CTNNA3: variants seen among roughly 807,000 people sequenced by gnomAD.
CTNNA3 encodes the protein catenin alpha-3.
Under a neutral mutation model 95.7 loss-of-function variants are expected in CTNNA3, and 76 were observed. That is an observed-to-expected ratio of 0.79 (90% confidence interval 0.66 to 0.96). The LOEUF (loss-of-function observed/expected upper bound fraction) is 0.96, where lower values mean the gene tolerates loss of function less well. CTNNA3 is among the 40% of genes least tolerant of loss of function. CTNNA3 has a pLI of 0.00. For synonymous variants in CTNNA3, 431 were observed against 374.4 expected (o/e 1.15, Z -1.74); for missense variants, 1,191 against 1,089.8 (o/e 1.09, Z -1.31).
chr10:67,289,097 A>G (rs1328262561), intron 5 of CTNNA3, among the ~76,000 whole-genome samples: 1 of 152,200 alleles, frequency 6.6e-6, no homozygotes, highest in African/African-American at 2.4e-5. Context: ...ATGTTAAATA[A>G]TTACTAAACT....
At chr10:67,146,013 G>A (rs1051129412) in intron 7 of CTNNA3, among the ~76,000 whole-genome samples, 2 of 152,126 alleles carry the variant, frequency 1.3e-5, no homozygotes, top group Non-Finnish European at 2.9e-5. Flanking sequence ...GGTGTTCCAA[G>A]TGTGAATTAC....
chr10:67,207,188 G>A (rs1863941024), intron 6 of CTNNA3, among the ~76,000 whole-genome samples: 1 of 151,960 alleles, frequency 6.6e-6, no homozygotes, highest in Non-Finnish European at 1.5e-5. Context: ...AATTTTAAAT[G>A]GAAATCAATT....
chr10:66,097,522 T>G (rs1366425974), intron 14 of CTNNA3, among the ~76,000 whole-genome samples: 2 of 152,116 alleles, frequency 1.3e-5, no homozygotes, highest in African/African-American at 2.4e-5. Flanking sequence ...AAGTTAGAAA[T>G]GTAACTTTAT....
At chr10:66,140,429 G>GA (rs1447182374) in intron 13 of CTNNA3, among the ~76,000 whole-genome samples, 1 of 152,126 alleles carries the variant, frequency 6.6e-6, no homozygotes, top group Non-Finnish European at 1.5e-5. Flanking sequence ...GCAAAGTAGA[G>GA]AAAAAATTTA....
chr10:66,385,112 A>G (rs2092878507), intron 11 of CTNNA3, among the ~76,000 whole-genome samples: 2 of 152,202 alleles, frequency 1.3e-5, no homozygotes, highest in Admixed American at 6.5e-5. Flanking sequence ...TGAAAGAGAT[A>G]GAGACACAAA....
intron 17 of CTNNA3, among the ~76,000 whole-genome samples, chr10:65,962,482 T>C (rs2133244336): frequency 6.6e-6 from 1 of 152,312 alleles, no homozygotes; most frequent in South Asian, 2.1e-4. Flanking sequence ...TCAGAATTGT[T>C]CCTTGTATAG....
intron 1 of CTNNA3, among the ~76,000 whole-genome samples, chr10:67,739,726 T>C (rs1201291041): frequency 1.3e-5 from 2 of 152,116 alleles, no homozygotes; most frequent in African/African-American, 2.4e-5. Context: ...AAAATGGCCA[T>C]ACTGCCCAAG....
intron 13 of CTNNA3, among the ~76,000 whole-genome samples, chr10:66,244,204 T>G (rs932443358): frequency 2.6e-5 from 4 of 152,212 alleles, no homozygotes; most frequent in African/African-American, 9.6e-5. Flanking sequence ...GGACTTTGTC[T>G]TGTGGTTTGA....
chr10:66,303,698 G>A (rs1385633561), intron 12 of CTNNA3, among the ~76,000 whole-genome samples: 4 of 152,072 alleles, frequency 2.6e-5, no homozygotes, highest in African/African-American at 7.2e-5. Context: ...GTAGTGGCGC[G>A]ATCTCAGCTC....
intron 10 of CTNNA3, among the ~76,000 whole-genome samples, chr10:66,617,984 A>C (rs1236752265): frequency 8.6e-5 from 13 of 151,758 alleles, no homozygotes; most frequent in East Asian, 5.8e-4. Context: ...GAATAAAATA[A>C]CTAGGAATCC....
intron 9 of CTNNA3, among the ~76,000 whole-genome samples, chr10:66,708,952 C>T (rs1239322660): frequency 6.6e-6 from 1 of 152,002 alleles, no homozygotes; most frequent in African/African-American, 2.4e-5. Flanking sequence ...TTTCTCTTTT[C>T]ATCAACTCCA....
At chr10:66,925,294 C>G (rs1847006464) in intron 7 of CTNNA3, among the ~76,000 whole-genome samples, 1 of 152,074 alleles carries the variant, frequency 6.6e-6, no homozygotes, top group African/African-American at 2.4e-5. Flanking sequence ...GAGAAAACAA[C>G]GTAGCCCATT....
At chr10:66,773,044 G>C (rs144727092) in intron 8 of CTNNA3, among the ~76,000 whole-genome samples, 2 of 152,316 alleles carry the variant, frequency 1.3e-5, no homozygotes, top group South Asian at 2.1e-4. Context: ...AAGAAGTAGA[G>C]ATAACTTATA....
At chr10:67,366,827 T>C (rs1196962486) in intron 5 of CTNNA3, among the ~76,000 whole-genome samples, 11 of 152,138 alleles carry the variant, frequency 7.2e-5, no homozygotes, top group Non-Finnish European at 1.5e-5. Context: ...AGAATAAAAC[T>C]GGACCCCTAC....
intron 7 of CTNNA3, among the ~76,000 whole-genome samples, chr10:66,937,163 T>A (rs1030505127): frequency 6.6e-6 from 1 of 152,110 alleles, no homozygotes; most frequent in African/African-American, 2.4e-5. Flanking sequence ...CAACTTTGTA[T>A]ACCAGAAAGA....
At chr10:66,118,394 T>C (rs1245307164) in intron 13 of CTNNA3, 1 of 152,194 alleles carries the variant, frequency 6.6e-6, no homozygotes, top group Non-Finnish European at 1.5e-5. Context: ...ATTAGTACCA[T>C]CTGATTACAA....
At chr10:66,449,597 G>A (rs2093448841) in intron 11 of CTNNA3, among the ~76,000 whole-genome samples, 1 of 151,922 alleles carries the variant, frequency 6.6e-6, no homozygotes, top group Non-Finnish European at 1.5e-5. Context: ...TCAATTCCAG[G>A]AAAGGCTATG....
At chr10:66,069,038 A>G (rs2080373041) in intron 15 of CTNNA3, among the ~76,000 whole-genome samples, 1 of 152,174 alleles carries the variant, frequency 6.6e-6, no homozygotes, top group Non-Finnish European at 1.5e-5. Flanking sequence ...TGCTAGTATG[A>G]TACACAGAGC....
intron 7 of CTNNA3, among the ~76,000 whole-genome samples, chr10:66,928,936 G>C (rs1847223055): frequency 6.6e-6 from 1 of 152,170 alleles, no homozygotes; most frequent in Non-Finnish European, 1.5e-5. Flanking sequence ...ACATTTTACA[G>C]ACAGGCAGAG....
Sources: allele counts gnomAD v4.1 joint callset (sites outside exome capture counted in the v4.1 genomes callset), GRCh38; gene constraint gnomAD v4.1.1; transcripts MANE v1.5; gene names NCBI Gene and HGNC (gene_info 2026-07-23, HGNC 2026-07-21).